Variants in NLGN4Y observed in about 807,000 individuals in gnomAD.
NLGN4Y encodes the protein neuroligin-4, Y-linked.
Under a neutral mutation model 8.4 loss-of-function variants are expected in NLGN4Y, and 4 were observed. The observed-to-expected ratio is 0.48, with a 90% CI of 0.23 to 1.09. The LOEUF is 1.09. Ranked by LOEUF, NLGN4Y falls within the 50% of genes least tolerant of loss-of-function variation. The pLI, the probability that NLGN4Y is intolerant of heterozygous loss-of-function variation, is 0.19. For missense variants in NLGN4Y, 90 were observed against 192.3 expected (o/e 0.47, Z 3.15); for synonymous variants, 35 against 75.6 (o/e 0.46, Z 2.78).
intron 1 of NLGN4Y, among the ~76,000 whole-genome samples, chrY:14,561,183 C>T (rs913691186): frequency 6.1e-3 from 198 of 32,391 alleles, no homozygotes; most frequent in Non-Finnish European, 0.012. Context: ...CTGCACCCAT[C>T]AGTCCATTAC....
At chrY:14,818,706 T>C (rs2150590897) in intron 4 of NLGN4Y, among the ~76,000 whole-genome samples, 1 of 32,904 alleles carries the variant, frequency 3.0e-5, no homozygotes, top group East Asian at 8.2e-4. Context: ...TTTTCTAAGG[T>C]GTCCTTGAAA....
At chrY:14,729,412 G>A in intron 4 of NLGN4Y, among the ~76,000 whole-genome samples, 1 of 33,511 alleles carries the variant, frequency 3.0e-5, no homozygotes, top group Non-Finnish European at 7.4e-5. Flanking sequence ...AGAAGAAAGA[G>A]TTCTAGAGAT....
At chrY:14,790,428 C>G in intron 4 of NLGN4Y, among the ~76,000 whole-genome samples, 1 of 33,440 alleles carries the variant, frequency 3.0e-5, no homozygotes, top group Admixed American at 2.7e-4. Flanking sequence ...GTGTGTGCAT[C>G]TGCACCTGTG....
chrY:14,722,362 G>A, intron 3 of NLGN4Y, among the ~76,000 whole-genome samples: 1 of 33,370 alleles, frequency 3.0e-5, no homozygotes, highest in African/African-American at 1.2e-4. Flanking sequence ...ATGCAGCTAA[G>A]TTAAAATCAA....
chrY:14,643,367 T>A, intron 2 of NLGN4Y, among the ~76,000 whole-genome samples: 1 of 32,444 alleles, frequency 3.1e-5, no homozygotes, highest in Admixed American at 2.8e-4. Context: ...AGGATGTTTC[T>A]TTTTTTTTAG....
At chrY:14,660,207 G>A (rs768814399) in intron 2 of NLGN4Y, among the ~76,000 whole-genome samples, 1 of 33,429 alleles carries the variant, frequency 3.0e-5, no homozygotes, top group Admixed American at 2.7e-4. Context: ...AATCTTGGAG[G>A]CAGCCTGAAG....
intron 1 of NLGN4Y, among the ~76,000 whole-genome samples, chrY:14,615,568 T>G: frequency 3.0e-5 from 1 of 33,471 alleles, no homozygotes; most frequent in South Asian, 6.7e-4. Context: ...AAAAAATAGC[T>G]CTTATTATCT....
At position 14,818,946 on chromosome Y, in the gene NLGN4Y, T is replaced by G. The variant is rs570367530; in HGVS notation, c.686-5242T>G. Among the ~76,000 whole-genome samples the G allele has an allele frequency of 1.8e-4, 6 of 33,372 alleles. No individual in the cohort carries two copies. In the South Asian group the frequency reaches 4.2e-3, roughly 23 times the overall value. 89.5% of individuals were successfully genotyped at this position (33,372 alleles called of 37,273 possible). On this transcript the variant is annotated intron_variant, in intron 4 of 6. Transcript: ENST00000684976. ...AGGGCTCACTTTTGGAGCTTTATCC[T>G]GATATCTGCAGCTGATTGGATATGT... is the stretch of plus-strand genomic sequence containing the variant.
chrY:14,742,150 G>A (rs764031792), intron 4 of NLGN4Y, among the ~76,000 whole-genome samples: 1 of 33,379 alleles, frequency 3.0e-5, no homozygotes, highest in South Asian at 6.7e-4. Context: ...GACTAAGGCA[G>A]CTTGGACATG....
intron 2 of NLGN4Y, among the ~76,000 whole-genome samples, chrY:14,643,336 C>G (rs2080597924): frequency 3.0e-5 from 1 of 33,119 alleles, no homozygotes; most frequent in Non-Finnish European, 7.4e-5. Context: ...ACGAGACTAA[C>G]TTGGGGGAAA....
chrY:14,543,173 C>T (rs929618764), intron 1 of NLGN4Y, among the ~76,000 whole-genome samples: 3 of 33,487 alleles, frequency 9.0e-5, no homozygotes, highest in Admixed American at 5.4e-4. Context: ...AATATAGGAA[C>T]CATTTTATTT....
intron 4 of NLGN4Y, among the ~76,000 whole-genome samples, chrY:14,812,523 T>C: frequency 3.0e-5 from 1 of 33,321 alleles, no homozygotes; most frequent in Non-Finnish European, 7.4e-5. Context: ...GCTTAGAGTA[T>C]GGAGCCTAAA....
intron 4 of NLGN4Y, among the ~76,000 whole-genome samples, chrY:14,793,448 AC>A (rs2042995139): frequency 5.9e-5 from 2 of 33,909 alleles, no homozygotes; most frequent in East Asian, 1.6e-3. Context: ...AGACATGGCA[AC>A]TGAGAATGGT....
chrY:14,741,270 A>G, intron 4 of NLGN4Y, among the ~76,000 whole-genome samples: 2 of 33,977 alleles, frequency 5.9e-5, no homozygotes, highest in Admixed American at 2.7e-4. Context: ...GTTGGGCAGC[A>G]GTAGAAACAA....
At chrY:14,745,696 G>T in intron 4 of NLGN4Y, among the ~76,000 whole-genome samples, 1 of 32,911 alleles carries the variant, frequency 3.0e-5, no homozygotes, top group Non-Finnish European at 7.5e-5. Flanking sequence ...CCCCTAAATT[G>T]CCTTACTCAA....
At chrY:14,608,802 C>A (rs760442641) in intron 1 of NLGN4Y, among the ~76,000 whole-genome samples, 1 of 32,658 alleles carries the variant, frequency 3.1e-5, no homozygotes, top group Admixed American at 2.8e-4. Context: ...CTACTTTGGG[C>A]AGTTTGGCCA....
intron 4 of NLGN4Y, among the ~76,000 whole-genome samples, chrY:14,771,172 A>G (rs1014312269): frequency 3.1e-5 from 1 of 32,112 alleles, no homozygotes; most frequent in African/African-American, 1.2e-4. Context: ...CTAGCAAGAC[A>G]GGCCAACATT....
intron 1 of NLGN4Y, 105 bp downstream of exon 1, chrY:14,524,813 C>T (rs1430953421): frequency 8.2e-6 from 1 of 121,738 alleles, no homozygotes; most frequent in East Asian, 2.6e-4. Context: ...GCGCTCTCTG[C>T]CTGCGGTTTT....
Position 14,622,312 on chromosome Y carries a change from G to A in NLGN4Y, c.193G>A (p.Glu65Lys), listed in dbSNP as rs765285048. 12 of 399,032 alleles carry A rather than the reference G, an allele frequency of 3.0e-5. No homozygotes were observed. Among genetic ancestry groups the A allele is most frequent in the Non-Finnish European group, 7.1e-6 (2 of 283,626 alleles). Residue 65 changes from glutamate (E) to lysine (K), a missense_variant, in exon 2 of 7, where the codon GAG becomes AAG. Transcript: ENST00000684976. ...GGGCCTAAGAACACCATTACCCAGT[G>A]AGATCTTGGGTCCAGTGGAGCAGTA... ...IQGLRTPLPS[E>K]ILGPVEQYLG...
Sources: allele counts gnomAD v4.1 joint callset (sites outside exome capture counted in the v4.1 genomes callset), GRCh38; gene constraint gnomAD v4.1.1; transcripts MANE v1.5; gene names NCBI Gene and HGNC (gene_info 2026-07-23, HGNC 2026-07-21).